The following PPARGC1B variants were observed in gnomAD, a reference collection of about 807,000 sequenced individuals.
The protein encoded by PPARGC1B is peroxisome proliferator-activated receptor gamma coactivator 1-beta.
A neutral mutation model predicts 101.6 loss-of-function variants in PPARGC1B; 34 were observed. The observed-to-expected ratio is 0.33, with a 90% confidence interval of 0.25 to 0.45. PPARGC1B has a LOEUF of 0.45. Among genes scored for constraint, PPARGC1B ranks in the 20% least tolerant of loss-of-function variants. PPARGC1B has a pLI of 1.00. For missense variants in PPARGC1B, 1,234 were observed against 1,317.6 expected (o/e 0.94, Z 0.98); for synonymous variants, 548 against 539.3 (o/e 1.02, Z -0.22).
rs1317271227 is a variant in PPARGC1B at position 149,830,789 on chromosome 5, C to T, written c.488C>T (p.Thr163Ile). The T allele has an allele frequency of 6.2e-7, 1 of 1,614,152 alleles. No individual in the cohort carries two copies. Among genetic ancestry groups the T allele is most frequent in the South Asian group, 1.1e-5 (1 of 91,082 alleles). Residue 163 changes from threonine to isoleucine, a missense_variant, in exon 4 of 12, where the codon ACA becomes ATA. Physicochemically the swap from Thr to Ile is moderately conservative, Grantham distance 89 (BLOSUM62 -1). Transcript: ENST00000309241. ...LSLLQKLLLATSYPTSSSDTQ... is the reference protein window; with the variant it reads ...LSLLQKLLLAISYPTSSSDTQ... ...CAGCTGCAGAAGCTCCTCCTGGCCA[C>T]ATCCTACCCAACATCAAGCTCTGAC...
chr5:149,769,674 C>A (rs941299755), intron 1 of PPARGC1B, among the ~76,000 whole-genome samples: 2 of 152,192 alleles, frequency 1.3e-5, no homozygotes, highest in Non-Finnish European at 2.9e-5. Context: ...TTTCAGAGGT[C>A]AGCAGCCAAA....
intron 1 of PPARGC1B, among the ~76,000 whole-genome samples, chr5:149,762,617 G>A (rs1249015104): frequency 6.6e-6 from 1 of 152,184 alleles, no homozygotes; most frequent in East Asian, 1.9e-4. Context: ...TATCCAAATA[G>A]CCTCCCAGGC....
intron 1 of PPARGC1B, among the ~76,000 whole-genome samples, chr5:149,768,939 G>A (rs373711823): frequency 8.9e-4 from 136 of 152,292 alleles, no homozygotes; most frequent in African/African-American, 3.1e-3. Context: ...ACAGGCGTGA[G>A]CCACCACTCC....
chr5:149,740,348 A>G (rs993246501), intron 1 of PPARGC1B, among the ~76,000 whole-genome samples: 1 of 152,224 alleles, frequency 6.6e-6, no homozygotes, highest in Non-Finnish European at 1.5e-5. Flanking sequence ...GAAATGCTCA[A>G]TGAGTAGTAA....
rs1759157121 is a variant in PPARGC1B at position 149,837,599 on chromosome 5, C to T, written c.2618+526C>T. 6.6e-6 allele frequency among the ~76,000 whole-genome samples: 1 copy of T among 152,186 alleles called. No homozygotes were observed. The highest frequency in any genetic ancestry group is 6.5e-5 in the Admixed American group (1 of 15,284). ...TGGCTTTCACCAGTTGGCTGCCCCT[C>T]GAAGGGCTTTGACCTCAGTGGAGGG... is the stretch of plus-strand genomic sequence containing the variant. On this transcript the variant is annotated intron_variant, in intron 8 of 11. Transcript: ENST00000309241. The surrounding 1 kb of genome is among the most constrained non-coding windows in gnomAD (Gnocchi z 4.2).
At chr5:149,771,986 T>C in intron 1 of PPARGC1B, 1 of 1,432,436 alleles carries the variant, frequency 7.0e-7, no homozygotes, top group Non-Finnish European at 9.2e-7. Context: ...GTTGCTGTTA[T>C]CCCAGACTTA....
In PPARGC1B at chr5:149,855,018, C is replaced by T. The variant is rs1357070696; in HGVS notation, c.*7460C>T. On this transcript the variant is annotated 3_prime_UTR_variant, in exon 12 of 12. Coordinates refer to ENST00000309241, the MANE Select transcript of PPARGC1B (RefSeq NM_133263.4). ...ATGGAGATTAAAAACAAAATACCAC[C>T]CACAGCTTTGCCCATGTGTGTTTTT... 6.6e-6 allele frequency: 1 copy of T among 152,114 alleles called. No individual in the cohort carries two copies. The highest frequency in any genetic ancestry group is 1.5e-5 in the Non-Finnish European group (1 of 68,018). 9.4% of individuals were successfully genotyped at this position (152,114 alleles called of 1,614,324 possible). A position where few individuals can be genotyped will look rare whatever the true frequency, so the allele number is the denominator to read the frequency against.
At chr5:149,775,522 C>T (rs1011898129) in intron 1 of PPARGC1B, among the ~76,000 whole-genome samples, 4 of 152,142 alleles carry the variant, frequency 2.6e-5, no homozygotes, top group South Asian at 2.1e-4. Context: ...GCAGACAGAA[C>T]GAATTCAGTC....
chr5:149,778,893 T>C (rs1756492761), intron 1 of PPARGC1B, among the ~76,000 whole-genome samples: 1 of 152,096 alleles, frequency 6.6e-6, no homozygotes, highest in Non-Finnish European at 1.5e-5. Flanking sequence ...GAAAAAGAGA[T>C]TATCCAGAAA....
intron 1 of PPARGC1B, among the ~76,000 whole-genome samples, chr5:149,785,372 T>A (rs1215021198): frequency 6.6e-6 from 1 of 152,190 alleles, no homozygotes; most frequent in East Asian, 1.9e-4. Flanking sequence ...GAACCTTGGT[T>A]TTTGTCATCT....
At chr5:149,840,255 T>C (rs995383373) in intron 9 of PPARGC1B, 139 bp downstream of exon 9, 18 of 696,814 alleles carry the variant, frequency 2.6e-5, no homozygotes, top group Admixed American at 1.5e-4. Context: ...GAAGGGACTA[T>C]GGCAACAGCA....
chr5:149,765,955 A>G (rs1482655607), intron 1 of PPARGC1B, among the ~76,000 whole-genome samples: 1 of 152,218 alleles, frequency 6.6e-6, no homozygotes, highest in Non-Finnish European at 1.5e-5. Flanking sequence ...AGTACTTGAC[A>G]ATACCTGGCA....
intron 1 of PPARGC1B, among the ~76,000 whole-genome samples, chr5:149,809,883 T>C (rs375570302): frequency 1.4e-4 from 21 of 151,854 alleles, no homozygotes; most frequent in African/African-American, 5.1e-4. Context: ...GGGAGGCCCA[T>C]CTGGGGAGGG....
chr5:149,846,127 G>C, intron 11 of PPARGC1B: 1 of 617,562 alleles, frequency 1.6e-6, no homozygotes. Flanking sequence ...CCTGTCCTGT[G>C]ACTGCTACCA....
intron 1 of PPARGC1B, among the ~76,000 whole-genome samples, chr5:149,738,158 A>G (rs891934718): frequency 6.6e-6 from 1 of 152,208 alleles, no homozygotes; most frequent in Non-Finnish European, 1.5e-5. Context: ...TAAGCTCCAC[A>G]AAGGCAAGAA....
At chr5:149,812,027 C>T (rs960782767) in intron 1 of PPARGC1B, among the ~76,000 whole-genome samples, 4 of 152,226 alleles carry the variant, frequency 2.6e-5, no homozygotes, top group African/African-American at 4.8e-5. Flanking sequence ...TTACTCCAAG[C>T]CCTGACCAGG....
At chr5:149,770,737 G>A (rs1200194137) in intron 1 of PPARGC1B, among the ~76,000 whole-genome samples, 5 of 151,816 alleles carry the variant, frequency 3.3e-5, no homozygotes, top group Non-Finnish European at 7.4e-5. Flanking sequence ...GGAGGCTGAG[G>A]TGGGAGAACT....
At chr5:149,735,479 C>T (rs963739820) in intron 1 of PPARGC1B, among the ~76,000 whole-genome samples, 2 of 152,216 alleles carry the variant, frequency 1.3e-5, no homozygotes, top group African/African-American at 4.8e-5. Flanking sequence ...AAGAATATTG[C>T]AGTGTTGATC....
At chr5:149,792,573 C>T (rs1018415446) in intron 1 of PPARGC1B, among the ~76,000 whole-genome samples, 2 of 152,120 alleles carry the variant, frequency 1.3e-5, no homozygotes, top group African/African-American at 2.4e-5. Context: ...TAATTCTGGC[C>T]GGCGGCACTA....
Sources: allele counts gnomAD v4.1 joint callset (sites outside exome capture counted in the v4.1 genomes callset), GRCh38; gene constraint gnomAD v4.1.1; non-coding constraint Gnocchi (gnomAD v3.1); transcripts MANE v1.5; gene names NCBI Gene and HGNC (gene_info 2026-07-23, HGNC 2026-07-21).